ACTR3B: variants seen among roughly 807,000 people sequenced by gnomAD.
The protein encoded by ACTR3B is actin-related protein 3B.
ACTR3B carries 8 observed loss-of-function variants against 59.0 expected under a neutral mutation model. That is an observed-to-expected ratio of 0.14 (90% CI 0.08 to 0.24). ACTR3B has a LOEUF of 0.24. ACTR3B is among the 10% of genes least tolerant of loss of function. The pLI is 1.00. For missense variants in ACTR3B, 245 were observed against 552.3 expected (o/e 0.44, Z 5.58); for synonymous variants, 148 against 197.9 (o/e 0.75, Z 2.12).
intron 2 of ACTR3B, among the ~76,000 whole-genome samples, chr7:152,791,242 C>A (rs566044193): frequency 1.3e-5 from 2 of 152,270 alleles, no homozygotes; most frequent in Admixed American, 1.3e-4. Context: ...AACTCCTGGC[C>A]TCAAGCTGTC....
intron 4 of ACTR3B, chr7:152,811,495 AC>A (rs1374209679): frequency 6.6e-6 from 1 of 152,212 alleles, no homozygotes; most frequent in Non-Finnish European, 1.5e-5. Context: ...TGTGACAGAT[AC>A]GTTTGGTCTT....
intron 9 of ACTR3B, among the ~76,000 whole-genome samples, chr7:152,844,545 T>C (rs1319940180): frequency 2.6e-5 from 4 of 152,072 alleles, no homozygotes; most frequent in Admixed American, 1.3e-4. Flanking sequence ...GAAAACTAAA[T>C]GGCCATTCTA....
chr7:152,842,445 A>G (rs1167266379), intron 9 of ACTR3B, among the ~76,000 whole-genome samples: 1 of 152,102 alleles, frequency 6.6e-6, no homozygotes, highest in Non-Finnish European at 1.5e-5. Context: ...AAAACCTACA[A>G]AGTGTTTATT....
chr7:152,760,888 T>G (rs1205091398), intron 1 of ACTR3B, among the ~76,000 whole-genome samples: 2 of 152,172 alleles, frequency 1.3e-5, no homozygotes, highest in Non-Finnish European at 2.9e-5. Context: ...GGAAGTAAAT[T>G]TGGTCTCTTA....
At chr7:152,850,473 A>G (rs1022893201) in intron 9 of ACTR3B, among the ~76,000 whole-genome samples, 1 of 151,690 alleles carries the variant, frequency 6.6e-6, no homozygotes, top group Non-Finnish European at 1.5e-5. Context: ...ATCACTGGTC[A>G]CTTCTCCAGG....
chr7:152,769,395 A>T (rs1046613811), intron 1 of ACTR3B, among the ~76,000 whole-genome samples: 1 of 152,220 alleles, frequency 6.6e-6, no homozygotes, highest in Non-Finnish European at 1.5e-5. Flanking sequence ...TTTGTCAGAT[A>T]TCAAGATGTG....
intron 7 of ACTR3B, among the ~76,000 whole-genome samples, chr7:152,821,334 G>C (rs1410694412): frequency 6.6e-6 from 1 of 152,112 alleles, no homozygotes; most frequent in Non-Finnish European, 1.5e-5. Context: ...AGAAATGTAA[G>C]TCAGAATTGA....
At chr7:152,785,637 C>A (rs1356337480) in intron 2 of ACTR3B, among the ~76,000 whole-genome samples, 2 of 128,414 alleles carry the variant, frequency 1.6e-5, no homozygotes, top group African/African-American at 3.0e-5. Context: ...AGTTGGCCTG[C>A]TGCGTGTCTT....
Position 152,777,075 on chromosome 7 carries a change from TC to T in ACTR3B, c.45-6110del, listed in dbSNP as rs2098137849. On this transcript the variant is annotated intron_variant, in intron 1 of 11. Coordinates refer to ENST00000256001, the MANE Select transcript of ACTR3B (RefSeq NM_020445.6). ...GTACAAATACTTATGTGGGGTAGGT[TC>T]CTAGAAAGGCACTATTTGGCTAATA... Among the ~76,000 whole-genome samples the T allele has an allele frequency of 3.9e-5, 6 of 152,190 alleles. No individual in the cohort carries two copies. The South Asian group carries it at 1.2e-3, about 31-fold the overall frequency.
At chr7:152,763,244 G>A (rs976648780) in intron 1 of ACTR3B, among the ~76,000 whole-genome samples, 2 of 146,100 alleles carry the variant, frequency 1.4e-5, no homozygotes, top group South Asian at 4.5e-4. Context: ...GAATCCGAGA[G>A]GCGGAAGTTG....
chr7:152,853,590 C>T lies in ACTR3B; in HGVS notation c.1161+13C>T. 2 of 1,608,340 alleles carry T rather than the reference C, an allele frequency of 1.2e-6. No homozygotes were observed. The highest frequency in any genetic ancestry group is 1.7e-6 in the Non-Finnish European group (2 of 1,176,432). On this transcript the variant is annotated intron_variant, in intron 11 of 11. Transcript: ENST00000256001. ...GCTGGCCTCGACTGTAAGTCCCTCT[C>T]TCGAGGGCTCTGTGTCTCCATTCCT...
At chr7:152,827,025 G>A (rs1221728493) in intron 9 of ACTR3B, among the ~76,000 whole-genome samples, 1 of 150,822 alleles carries the variant, frequency 6.6e-6, no homozygotes, top group Non-Finnish European at 1.5e-5. Flanking sequence ...TTTGTTGCCC[G>A]TGCTGGAGTG....
At chr7:152,836,742 A>C (rs915040512) in intron 9 of ACTR3B, among the ~76,000 whole-genome samples, 65 of 152,186 alleles carry the variant, frequency 4.3e-4, no homozygotes, top group Non-Finnish European at 1.2e-4. Context: ...TTTCTTTCAG[A>C]CTGCTGTGTG....
chr7:152,781,353 TC>T (rs1420534176), intron 1 of ACTR3B, among the ~76,000 whole-genome samples: 2 of 152,128 alleles, frequency 1.3e-5, no homozygotes, highest in African/African-American at 2.4e-5. Context: ...TATTGGTCCT[TC>T]CGCTGGCGGT....
At chr7:152,835,437 A>G (rs1797370244) in intron 9 of ACTR3B, among the ~76,000 whole-genome samples, 1 of 152,264 alleles carries the variant, frequency 6.6e-6, no homozygotes, top group Admixed American at 6.5e-5. Flanking sequence ...TTCCTGGTGC[A>G]CATGAAGGCT....
chr7:152,786,836 T>C (rs1203649863), intron 2 of ACTR3B, among the ~76,000 whole-genome samples: 1 of 152,228 alleles, frequency 6.6e-6, no homozygotes, highest in Non-Finnish European at 1.5e-5. Flanking sequence ...GGTATCACAC[T>C]GTAAATAACT....
rs1356995088 is a variant in ACTR3B at position 152,780,444 on chromosome 7, G to A, written c.45-2743G>A. On this transcript the variant is annotated intron_variant, in intron 1 of 11. Coordinates refer to ENST00000256001, the MANE Select transcript of ACTR3B (RefSeq NM_020445.6). Reference sequence around the variant, plus strand: ...AATGTCATTGATACTTAAGGTACCCGTGTGACTTTGACAGAGACCTCCTTC... The same window carrying A: ...AATGTCATTGATACTTAAGGTACCCATGTGACTTTGACAGAGACCTCCTTC... Among the ~76,000 whole-genome samples the A allele has an allele frequency of 4.0e-5, 6 of 151,058 alleles. No homozygotes were observed. In the South Asian group the frequency reaches 1.3e-3, roughly 32 times the overall value.
chr7:152,774,048 T>C (rs1322800771), intron 1 of ACTR3B, among the ~76,000 whole-genome samples: 2 of 152,222 alleles, frequency 1.3e-5, no homozygotes, highest in Non-Finnish European at 2.9e-5. Flanking sequence ...TCAGGCACGA[T>C]GGGTCCTCAG....
At chr7:152,764,963 G>T (rs935704479) in intron 1 of ACTR3B, among the ~76,000 whole-genome samples, 13 of 152,190 alleles carry the variant, frequency 8.5e-5, no homozygotes, top group African/African-American at 2.7e-4. Flanking sequence ...ATAAAGAAAA[G>T]AATAGAATGG....
Sources: allele counts gnomAD v4.1 joint callset (sites outside exome capture counted in the v4.1 genomes callset), GRCh38; gene constraint gnomAD v4.1.1; transcripts MANE v1.5; gene names NCBI Gene and HGNC (gene_info 2026-07-23, HGNC 2026-07-21).